Variants in RABGAP1L observed in about 807,000 individuals in gnomAD.
The protein encoded by RABGAP1L is rab GTPase-activating protein 1-like.
In RABGAP1L, 63 loss-of-function variants were observed where a neutral mutation model predicts 137.7. The observed-to-expected ratio is 0.46, with a 90% CI of 0.37 to 0.56. The LOEUF (loss-of-function observed/expected upper bound fraction) is 0.56. Ranked by LOEUF, RABGAP1L falls within the 20% of genes least tolerant of loss-of-function variation. The pLI is 0.00. For synonymous variants in RABGAP1L, 431 were observed against 433.7 expected (o/e 0.99, Z 0.08); for missense variants, 1,095 against 1,244.0 (o/e 0.88, Z 1.80).
intron 10 of RABGAP1L, among the ~76,000 whole-genome samples, chr1:174,300,843 G>T (rs962735133): frequency 5.9e-5 from 9 of 152,168 alleles, no homozygotes; most frequent in Non-Finnish European, 1.3e-4. Flanking sequence ...TCCAGCCTGG[G>T]TGACAGAGTG....
At chr1:174,364,277 C>G (rs564660003) in intron 11 of RABGAP1L, among the ~76,000 whole-genome samples, 1 of 59,028 alleles carries the variant, frequency 1.7e-5, no homozygotes, top group Non-Finnish European at 2.8e-5. Context: ...TTTTTTGAGA[C>G]GGAGTCTCGC....
chr1:174,534,139 TG>T (rs1664683657), intron 13 of RABGAP1L, among the ~76,000 whole-genome samples: 6 of 80,626 alleles, frequency 7.4e-5, no homozygotes, highest in Admixed American at 6.4e-4. Context: ...ACTCTGTGTG[TG>T]TGTGTGTGTG....
chr1:174,860,825 T>C (rs755724644), intron 19 of RABGAP1L, among the ~76,000 whole-genome samples: 1 of 152,206 alleles, frequency 6.6e-6, no homozygotes, highest in African/African-American at 2.4e-5. Flanking sequence ...AAATTATTTA[T>C]ATTTAAGGTG....
At chr1:174,263,415 T>G (rs1673769857) in intron 7 of RABGAP1L, among the ~76,000 whole-genome samples, 1 of 152,198 alleles carries the variant, frequency 6.6e-6, no homozygotes, top group Admixed American at 6.5e-5. Context: ...AGTTAATAAT[T>G]CTTTATAGTA....
chr1:174,238,542 G>C (rs562043404), intron 4 of RABGAP1L, among the ~76,000 whole-genome samples: 3 of 152,056 alleles, frequency 2.0e-5, no homozygotes, highest in Non-Finnish European at 4.4e-5. Context: ...AGGTGTCAGT[G>C]TGCCTCTGCT....
At chr1:174,653,211 C>CAGCA (rs1441369700) in intron 14 of RABGAP1L, among the ~76,000 whole-genome samples, 1 of 152,200 alleles carries the variant, frequency 6.6e-6, no homozygotes, top group African/African-American at 2.4e-5. Flanking sequence ...AATTTCAAGA[C>CAGCA]AGCAGATCTT....
intron 19 of RABGAP1L, among the ~76,000 whole-genome samples, chr1:174,891,863 A>C (rs1043730356): frequency 3.9e-5 from 6 of 152,202 alleles, no homozygotes; most frequent in Non-Finnish European, 7.3e-5. Context: ...TATGTTGACT[A>C]TAGAAAATTT....
intron 13 of RABGAP1L, among the ~76,000 whole-genome samples, chr1:174,553,651 A>G (rs1224248216): frequency 6.6e-6 from 1 of 152,222 alleles, no homozygotes; most frequent in Non-Finnish European, 1.5e-5. Flanking sequence ...ATTTCTCACA[A>G]ATGTACATGT....
intron 13 of RABGAP1L, among the ~76,000 whole-genome samples, chr1:174,608,786 A>C (rs555180148): frequency 6.6e-6 from 1 of 152,268 alleles, no homozygotes. Context: ...TACTGTACAG[A>C]CTGATTGAAG....
chr1:174,890,647 AG>A (rs1655972204), intron 19 of RABGAP1L, among the ~76,000 whole-genome samples: 1 of 152,132 alleles, frequency 6.6e-6, no homozygotes, highest in African/African-American at 2.4e-5. Flanking sequence ...CAGTTTTAGT[AG>A]TTTTTTTTAG....
At chr1:174,490,841 G>A (rs895282928) in intron 13 of RABGAP1L, among the ~76,000 whole-genome samples, 6 of 151,904 alleles carry the variant, frequency 3.9e-5, no homozygotes, top group Admixed American at 6.6e-5. Flanking sequence ...CTCAGCCCAC[G>A]GCCATCACCA....
chr1:174,921,895 A>G (rs758322262), intron 19 of RABGAP1L, among the ~76,000 whole-genome samples: 1 of 152,330 alleles, frequency 6.6e-6, no homozygotes, highest in African/African-American at 2.4e-5. Flanking sequence ...TGAGCACTAA[A>G]TGCTATTAAA....
At chr1:174,204,460 TGA>T (rs1379194038) in intron 1 of RABGAP1L, among the ~76,000 whole-genome samples, 1 of 152,206 alleles carries the variant, frequency 6.6e-6, no homozygotes, top group African/African-American at 2.4e-5. Context: ...ATAGGAGTGG[TGA>T]GAGAGGGCAT....
intron 13 of RABGAP1L, among the ~76,000 whole-genome samples, chr1:174,493,169 G>A (rs551992000): frequency 6.8e-5 from 10 of 147,088 alleles, no homozygotes; most frequent in Admixed American, 2.8e-4. Flanking sequence ...GACCAGTCTA[G>A]GTAACATACT....
intron 5 of RABGAP1L, among the ~76,000 whole-genome samples, chr1:174,243,982 G>T (rs1672045685): frequency 6.6e-6 from 1 of 152,280 alleles, no homozygotes; most frequent in South Asian, 2.1e-4. Context: ...AACATAGCTT[G>T]CATTCCATTT....
intron 10 of RABGAP1L, among the ~76,000 whole-genome samples, chr1:174,294,615 A>G (rs947209862): frequency 3.3e-5 from 5 of 152,224 alleles, no homozygotes; most frequent in Non-Finnish European, 7.3e-5. Flanking sequence ...CTGTTACTAC[A>G]GTGAAAAGGA....
intron 18 of RABGAP1L, among the ~76,000 whole-genome samples, chr1:174,781,670 G>A (rs1373506796): frequency 3.9e-5 from 6 of 152,226 alleles, no homozygotes; most frequent in African/African-American, 1.2e-4. Context: ...GTATTGGCTA[G>A]GTTTTCTTCT....
chr1:174,642,260 C>T (rs1674585344), intron 14 of RABGAP1L, among the ~76,000 whole-genome samples: 1 of 152,030 alleles, frequency 6.6e-6, no homozygotes, highest in South Asian at 2.1e-4. Context: ...AATTTGATAG[C>T]ATAATGGTTT....
At chr1:174,821,861 A>G in intron 19 of RABGAP1L, among the ~76,000 whole-genome samples, 1 of 152,262 alleles carries the variant, frequency 6.6e-6, no homozygotes, top group East Asian at 1.9e-4. Context: ...CCTTTTCTAT[A>G]AAGACCTCTA....
Sources: gnomAD v4.1 joint callset for allele counts (sites outside exome capture counted in the v4.1 genomes callset) on GRCh38, gnomAD v4.1.1 for gene constraint, MANE v1.5 for transcripts, NCBI Gene and HGNC (gene_info 2026-07-23, HGNC 2026-07-21) for gene names.